Variants in B3GALT1 observed in about 807,000 individuals in gnomAD.
The protein encoded by B3GALT1 is UDP-Gal:betaGlcNAc beta 1,3-galactosyltransferase, polypeptide 1.
B3GALT1 carries 10 observed loss-of-function variants against 23.2 expected under a neutral mutation model. The observed-to-expected ratio is 0.43, with a 90% confidence interval of 0.27 to 0.73. B3GALT1 has a LOEUF of 0.73. Among genes scored for constraint, B3GALT1 ranks in the 30% least tolerant of loss-of-function variants. The pLI is 0.21. For missense variants in B3GALT1, 299 were observed against 405.4 expected, an observed-to-expected ratio of 0.74 and a Z score of 2.25; for synonymous variants, 156 against 141.5, an observed-to-expected ratio of 1.10 and a Z score of -0.73.
At chr2:167,607,544 C>T (rs1308290863) in intron 2 of B3GALT1, among the ~76,000 whole-genome samples, 13 of 152,130 alleles carry the variant, frequency 8.5e-5, no homozygotes, top group African/African-American at 3.1e-4. Flanking sequence ...TGCACAGGTG[C>T]ACACACGTGC....
intron 1 of B3GALT1, among the ~76,000 whole-genome samples, chr2:167,452,047 G>A (rs2105320555): frequency 6.6e-6 from 1 of 152,208 alleles, no homozygotes; most frequent in East Asian, 1.9e-4. Context: ...AACAGCACCG[G>A]GTTTATTTCC....
At chr2:167,446,507 G>T (rs1168582273) in intron 1 of B3GALT1, among the ~76,000 whole-genome samples, 6 of 152,194 alleles carry the variant, frequency 3.9e-5, no homozygotes, top group African/African-American at 1.4e-4. Context: ...ACACCAGTCA[G>T]ACATAGATTT....
intron 2 of B3GALT1, among the ~76,000 whole-genome samples, chr2:167,519,238 C>T (rs964101048): frequency 7.9e-5 from 12 of 152,068 alleles, no homozygotes; most frequent in African/African-American, 2.7e-4. Context: ...TTGGAATTGG[C>T]GGGCATACTG....
At chr2:167,856,674 G>A (rs2105424810) in intron 4 of B3GALT1, among the ~76,000 whole-genome samples, 1 of 152,294 alleles carries the variant, frequency 6.6e-6, no homozygotes, top group African/African-American at 2.4e-5. Context: ...AAAGTTGTAT[G>A]CTTTACTGAG....
chr2:167,844,900 AG>A (rs1689724159), intron 4 of B3GALT1, among the ~76,000 whole-genome samples: 1 of 152,050 alleles, frequency 6.6e-6, no homozygotes, highest in African/African-American at 2.4e-5. Context: ...GGGGGCTGTT[AG>A]GGGGCACAGT....
intron 4 of B3GALT1, among the ~76,000 whole-genome samples, chr2:167,867,695 CT>C (rs1284065778): frequency 6.6e-5 from 10 of 152,172 alleles, no homozygotes; most frequent in African/African-American, 9.7e-5. Context: ...TTGAAGCAGA[CT>C]TTGTTAAAAT....
At chr2:167,467,758 G>A (rs1046105817) in intron 1 of B3GALT1, among the ~76,000 whole-genome samples, 17 of 152,242 alleles carry the variant, frequency 1.1e-4, no homozygotes, top group African/African-American at 3.9e-4. Flanking sequence ...CCCTTTATGA[G>A]CTTGATACAA....
At chr2:167,744,584 C>A (rs6712542) in intron 3 of B3GALT1, among the ~76,000 whole-genome samples, 124,078 of 151,810 alleles carry the variant, frequency 0.82, 50,865 homozygotes, top group Admixed American at 0.87. Context: ...TCTTATAGGC[C>A]TATCTCTTTT....
chr2:167,849,835 A>C (rs868643894), intron 4 of B3GALT1, among the ~76,000 whole-genome samples: 1 of 149,820 alleles, frequency 6.7e-6, no homozygotes, highest in Non-Finnish European at 1.5e-5. Flanking sequence ...GCTTGCAGTG[A>C]GCCGAGATCG....
At chr2:167,641,796 C>T (rs1685656997) in intron 2 of B3GALT1, among the ~76,000 whole-genome samples, 1 of 152,174 alleles carries the variant, frequency 6.6e-6, no homozygotes, top group African/African-American at 2.4e-5. Flanking sequence ...GACCCCTTCT[C>T]TTTCCTGTCT....
intron 3 of B3GALT1, among the ~76,000 whole-genome samples, chr2:167,661,292 T>G (rs1686056094): frequency 6.6e-6 from 1 of 152,064 alleles, no homozygotes; most frequent in African/African-American, 2.4e-5. Flanking sequence ...CAGAAAGCAA[T>G]TTCTATTATA....
chr2:167,669,937 G>A (rs989316235), intron 3 of B3GALT1, among the ~76,000 whole-genome samples: 3 of 152,084 alleles, frequency 2.0e-5, no homozygotes, highest in Non-Finnish European at 4.4e-5. Context: ...AGGGGCATGG[G>A]CTCACAGAAA....
In B3GALT1 at chr2:167,397,138, T is replaced by C. The variant is rs148162084; in HGVS notation, c.-510-93039T>C. ...AAGATTTATATTTCTTATATACTCT[T>C]AGGTGAAATCTGCTTTTTGTATGAT... On this transcript the variant is annotated intron_variant, in intron 1 of 4. Coordinates refer to ENST00000392690, the MANE Select transcript of B3GALT1 (RefSeq NM_020981.4). Among the ~76,000 whole-genome samples the C allele has an allele frequency of 2.9e-3, 439 of 152,144 alleles. 2 individuals are homozygous for C. The highest frequency in any genetic ancestry group is 0.01 in the African/African-American group (417 of 41,534).
At position 167,615,277 on chromosome 2, in the gene B3GALT1, G is replaced by A. The variant is rs577443165; in HGVS notation, c.-409-31632G>A. ...ATGTTATATTAAGTAAAACAAGCCA[G>A]ACACAGAAAGACAAATACTGTGTGA... On this transcript the variant is annotated intron_variant, in intron 2 of 4. Transcript: ENST00000392690. Among the ~76,000 whole-genome samples the A allele has an allele frequency of 5.3e-5, 8 of 152,108 alleles. No individual in the cohort carries two copies. The East Asian group carries it at 1.5e-3, about 29-fold the overall frequency.
At chr2:167,325,702 C>CTTTTTTTTTTTTTT (rs61066636) in intron 1 of B3GALT1, among the ~76,000 whole-genome samples, 9 of 110,568 alleles carry the variant, frequency 8.1e-5, no homozygotes, top group African/African-American at 1.3e-4. Context: ...ACCCTGTTTT[C>CTTTTTTTTTTTTTT]TTTTTTTTTT....
intron 3 of B3GALT1, among the ~76,000 whole-genome samples, chr2:167,813,325 A>C (rs867100625): frequency 3.3e-5 from 5 of 152,170 alleles, no homozygotes; most frequent in African/African-American, 1.2e-4. Context: ...TCATGGAAGA[A>C]TATTTGTTGG....
intron 1 of B3GALT1, among the ~76,000 whole-genome samples, chr2:167,457,660 A>G (rs1297001494): frequency 2.6e-5 from 4 of 152,166 alleles, no homozygotes; most frequent in Admixed American, 2.6e-4. Context: ...TTTCTCAAGC[A>G]AATTCTGAGG....
At chr2:167,731,914 A>G (rs1057430868) in intron 3 of B3GALT1, among the ~76,000 whole-genome samples, 3 of 152,006 alleles carry the variant, frequency 2.0e-5, no homozygotes, top group African/African-American at 4.8e-5. Context: ...TGTTTTTCCC[A>G]TTCCTCAACC....
intron 4 of B3GALT1, among the ~76,000 whole-genome samples, chr2:167,850,202 AAAAC>A (rs892744131): frequency 2.0e-5 from 3 of 152,236 alleles, no homozygotes; most frequent in African/African-American, 4.8e-5. Flanking sequence ...CAGTAAGTCA[AAAAC>A]AAACAATCCC....
Sources: allele counts gnomAD v4.1 joint callset (sites outside exome capture counted in the v4.1 genomes callset), GRCh38; gene constraint gnomAD v4.1.1; transcripts MANE v1.5; gene names NCBI Gene and HGNC (gene_info 2026-07-23, HGNC 2026-07-21).